Variants in H2BC21 observed in about 807,000 individuals in gnomAD.
H2BC21 encodes the protein H2B clustered histone 21, also known as histone H2B type 2-E.
H2BC21 carries 2 observed loss-of-function variants against 6.2 expected under a neutral mutation model. The observed-to-expected ratio is 0.32, with a 90% confidence interval of 0.13 to 1.02. The LOEUF is 1.02. H2BC21 is among the 50% of genes least tolerant of loss of function. The pLI, the probability that H2BC21 is intolerant of heterozygous loss-of-function variation, is 0.47. For missense variants in H2BC21, 98 were observed against 172.2 expected, an observed-to-expected ratio of 0.57 and a Z score of 2.41; for synonymous variants, 109 against 75.2, an observed-to-expected ratio of 1.45 and a Z score of -2.33.
rs1553759762 is a variant in H2BC21 at position 149,886,560 on chromosome 1, G to A, written c.81C>T (p.Gly27=). 2 of 1,614,252 alleles carry A rather than the reference G, an allele frequency of 1.2e-6. No individual in the cohort carries two copies. Among genetic ancestry groups the A allele is most frequent in the South Asian group, 2.2e-5 (2 of 91,088 alleles). The part of the protein sequence containing the change: ...KAVTKAQKKD[G]KKRKRSRKES... ...CTTTGCGGCTGCGCTTGCGCTTCTT[G>A]CCGTCTTTCTTCTGGGCTTTGGTGA... is the stretch of plus-strand genomic sequence containing the variant. Residue 27 remains glycine (G), a synonymous_variant, in exon 1 of 1, where the codon GGC becomes GGT. Coordinates refer to ENST00000369155, the MANE Select transcript of H2BC21 (RefSeq NM_003528.3).
rs2092291674 is a variant in H2BC21 at position 149,885,465 on chromosome 1, G to A, written c.*795C>T. 6.6e-6 allele frequency: 1 copy of A among 152,260 alleles called. No homozygotes were observed. The highest frequency in any genetic ancestry group is 6.5e-5 in the Admixed American group (1 of 15,292). 9.4% of individuals were successfully genotyped at this position (152,260 alleles called of 1,614,324 possible). A position where few individuals can be genotyped will look rare whatever the true frequency, so the allele number is the denominator to read the frequency against. On this transcript the variant is annotated 3_prime_UTR_variant, in exon 1 of 1. Transcript: ENST00000369155. ...TGGATGACGTAGGTCTCTGAGAGGT[G>A]ACTTTTGAGCCCGTATCTACATGGT...
At position 149,886,649 on chromosome 1, in the gene H2BC21, A is replaced by G; in HGVS notation, c.-9T>C. The G allele has an allele frequency of 1.9e-6, 3 of 1,611,926 alleles. No individual in the cohort carries two copies. The highest frequency in any genetic ancestry group is 2.5e-6 in the Non-Finnish European group (3 of 1,179,236). ...TTTGCCGGTTCAGGCATGGTAAGAC[A>G]CAGTACAAACGCGGCTTAGCCAAGA... On this transcript the variant is annotated 5_prime_UTR_variant, in exon 1 of 1. Coordinates refer to ENST00000369155, the MANE Select transcript of H2BC21 (RefSeq NM_003528.3).
chr1:149,886,188 G>A lies in H2BC21; in HGVS notation c.*72C>T. ...GCTCTTTTCTAGTGATTAGGTGGGT[G>A]GCTCTGAAAAGAGCCTTTGGAGTCA... is the stretch of plus-strand genomic sequence containing the variant. On this transcript the variant is annotated 3_prime_UTR_variant, in exon 1 of 1. Coordinates refer to ENST00000369155, the MANE Select transcript of H2BC21 (RefSeq NM_003528.3). 1.9e-6 allele frequency: 3 copies of A among 1,610,290 alleles called. No homozygotes were observed. The highest frequency in any genetic ancestry group is 2.5e-6 in the Non-Finnish European group (3 of 1,177,720).
Position 149,886,080 on chromosome 1 carries a change from A to G in H2BC21, c.*180T>C. 1 of 1,104,418 alleles carries G rather than the reference A, an allele frequency of 9.1e-7. No homozygotes were observed. The allele number at this position is 1,104,418 out of a possible 1,614,324, so 68.4% of individuals were successfully genotyped here. On this transcript the variant is annotated 3_prime_UTR_variant, in exon 1 of 1. Transcript: ENST00000369155. ...GGGGACCTCGAGTTCCAAATAGTTA[A>G]AAAGCTACGTATGCCATTTCCCATG...
rs1325815572 is a variant in H2BC21, at chr1:149,886,180, A to G, written c.*80T>C. ...GTGAACAAGCTCTTTTCTAGTGATTAGGTGGGTGGCTCTGAAAAGAGCCTT... is the reference window on the plus strand; with the variant it reads ...GTGAACAAGCTCTTTTCTAGTGATTGGGTGGGTGGCTCTGAAAAGAGCCTT... On this transcript the variant is annotated 3_prime_UTR_variant, in exon 1 of 1. Transcript: ENST00000369155. 2.5e-6 allele frequency: 4 copies of G among 1,604,112 alleles called. No homozygotes were observed. The African/African-American group carries it at 5.4e-5, about 22-fold the overall frequency.
Position 149,884,968 on chromosome 1 carries a change from C to T in H2BC21, c.*1292G>A, listed in dbSNP as rs1287070214. On this transcript the variant is annotated 3_prime_UTR_variant, in exon 1 of 1. Coordinates refer to ENST00000369155, the MANE Select transcript of H2BC21 (RefSeq NM_003528.3). ...GGAAAAGGCTCTTTCCAGTGACCAA[C>T]ACGCTGAATTTGATGAAAATCCATA... is the stretch of plus-strand genomic sequence containing the variant. 3 of 152,714 alleles carry T rather than the reference C, an allele frequency of 2.0e-5. No individual in the cohort carries two copies. Among genetic ancestry groups the T allele is most frequent in the East Asian group, 3.9e-4 (2 of 5,186 alleles). 9.5% of individuals were successfully genotyped at this position (152,714 alleles called of 1,614,324 possible). A position where few individuals can be genotyped will look rare whatever the true frequency, so the allele number is the denominator to read the frequency against.
Position 149,886,448 on chromosome 1 carries a change from A to G in H2BC21, c.193T>C (p.Ser65Pro). The change falls in exon 1 of 1, where the codon TCC becomes CCC. Residue 65 changes from serine (S) to proline (P), a missense_variant. Around this residue, in one of 2 missense-constraint regions of H2BC21, gnomAD observed 48 missense variants for 137.8 expected, o/e 0.35. Coordinates refer to ENST00000369155, the MANE Select transcript of H2BC21 (RefSeq NM_003528.3). ...ISSKAMGIMN[S>P]FVNDIFERIA... ...CGCTCGAAGATGTCGTTGACGAAGG[A>G]GTTCATGATGCCCATGGCCTTGGAC... The G allele has an allele frequency of 6.2e-7, 1 of 1,614,236 alleles. No individual in the cohort carries two copies. The highest frequency in any genetic ancestry group is 1.1e-5 in the South Asian group (1 of 91,090).
rs1401724500 is a variant in H2BC21, at chr1:149,886,120, A to G, written c.*140T>C. 1.4e-6 allele frequency: 2 copies of G among 1,418,644 alleles called. No individual in the cohort carries two copies. The highest frequency in any genetic ancestry group is 1.5e-5 in the African/African-American group (1 of 68,898). The allele number at this position is 1,418,644 out of a possible 1,614,324, so 87.9% of individuals were successfully genotyped here. A position where few individuals can be genotyped will look rare whatever the true frequency, so the allele number is the denominator to read the frequency against. On this transcript the variant is annotated 3_prime_UTR_variant, in exon 1 of 1. Transcript: ENST00000369155. ...CATTTCCCATGACCTTCACACTAAA[A>G]TAACTTACTTTATGAAAAGAAACTA... is the stretch of plus-strand genomic sequence containing the variant.
rs1307222208 is a variant in H2BC21 at position 149,885,406 on chromosome 1, A to C, written c.*854T>G. On this transcript the variant is annotated 3_prime_UTR_variant, in exon 1 of 1. Transcript: ENST00000369155. ...CAGCTGCTAGAAGGAAGATAAAATG[A>C]GACAGGCAAGTATGAGAGGCGCGAA... is the stretch of plus-strand genomic sequence containing the variant. The C allele has an allele frequency of 6.6e-6, 1 of 152,258 alleles. No homozygotes were observed. Among genetic ancestry groups the C allele is most frequent in the African/African-American group, 2.4e-5 (1 of 41,446 alleles). 9.4% of individuals were successfully genotyped at this position (152,258 alleles called of 1,614,324 possible).
chr1:149,885,931 G>C lies in H2BC21; in HGVS notation c.*329C>G, dbSNP rs1237312332. 4.9e-6 allele frequency: 2 copies of C among 406,676 alleles called. No homozygotes were observed. The highest frequency in any genetic ancestry group is 4.5e-6 in the Non-Finnish European group (1 of 221,348). 25.2% of individuals were successfully genotyped at this position (406,676 alleles called of 1,614,324 possible). ...GAGCCACCAGGGCGCGTGTGGGGCG[G>C]GAGTGGGGGCGGGTAAAGAGGCGGA... is the stretch of plus-strand genomic sequence containing the variant. On this transcript the variant is annotated 3_prime_UTR_variant, in exon 1 of 1. Coordinates refer to ENST00000369155, the MANE Select transcript of H2BC21 (RefSeq NM_003528.3).
Position 149,886,233 on chromosome 1 carries a change from G to A in H2BC21, c.*27C>T, listed in dbSNP as rs1457078959. On this transcript the variant is annotated 3_prime_UTR_variant, in exon 1 of 1. Transcript: ENST00000369155. ...GAGTCAAGCAGCCGGCGACTCGAGCGAGCGAGCGCCAGGTCCCGGCAGGGA... is the reference window on the plus strand; with the variant it reads ...GAGTCAAGCAGCCGGCGACTCGAGCAAGCGAGCGCCAGGTCCCGGCAGGGA... 3 of 1,613,968 alleles carry A rather than the reference G, an allele frequency of 1.9e-6. No homozygotes were observed. The highest frequency in any genetic ancestry group is 1.7e-5 in the Admixed American group (1 of 60,016).
rs993291271 is a variant in H2BC21, at chr1:149,885,283, A to C, written c.*977T>G. The C allele has an allele frequency of 1.3e-5, 2 of 152,492 alleles. No individual in the cohort carries two copies. The highest frequency in any genetic ancestry group is 2.4e-5 in the African/African-American group (1 of 41,470). The allele number at this position is 152,492 out of a possible 1,614,324, so 9.4% of individuals were successfully genotyped here. On this transcript the variant is annotated 3_prime_UTR_variant, in exon 1 of 1. Coordinates refer to ENST00000369155, the MANE Select transcript of H2BC21 (RefSeq NM_003528.3). Reference sequence around the variant, plus strand: ...CAATACGTAGTATTTAAGTGTCCATAATGTGCCAGGCTGAAGATGCACGGG... The same window carrying C: ...CAATACGTAGTATTTAAGTGTCCATCATGTGCCAGGCTGAAGATGCACGGG...
chr1:149,886,434 G>A lies in H2BC21; in HGVS notation c.207C>T (p.Asp69=), dbSNP rs1374287885. ...CCTCTCCCGCGATGCGCTCGAAGAT[G>A]TCGTTGACGAAGGAGTTCATGATGC... ...AMGIMNSFVN[D]IFERIAGEAS... Residue 69 remains aspartate (D), a synonymous_variant, in exon 1 of 1, where the codon GAC becomes GAT. Transcript: ENST00000369155. 18 of 1,614,274 alleles carry A rather than the reference G, an allele frequency of 1.1e-5. No individual in the cohort carries two copies. The highest frequency in any genetic ancestry group is 1.4e-5 in the Non-Finnish European group (17 of 1,180,048).
Position 149,885,691 on chromosome 1 carries a change from C to G in H2BC21, c.*569G>C, listed in dbSNP as rs1553759603. ...TCAGGACAAGGCTGGGACCCGGCTG[C>G]GCGGCCTTCGTCCAAAATACACAGA... On this transcript the variant is annotated 3_prime_UTR_variant, in exon 1 of 1. Transcript: ENST00000369155. The G allele has an allele frequency of 6.2e-6, 1 of 161,996 alleles. No individual in the cohort carries two copies. The highest frequency in any genetic ancestry group is 1.4e-5 in the Non-Finnish European group (1 of 72,786). 10.0% of individuals were successfully genotyped at this position (161,996 alleles called of 1,614,324 possible).
rs1020749141 is a variant in H2BC21, at chr1:149,886,077, T to A, written c.*183A>T. ...ACTGGGGACCTCGAGTTCCAAATAG[T>A]TAAAAAGCTACGTATGCCATTTCCC... On this transcript the variant is annotated 3_prime_UTR_variant, in exon 1 of 1. Coordinates refer to ENST00000369155, the MANE Select transcript of H2BC21 (RefSeq NM_003528.3). The A allele has an allele frequency of 1.9e-6, 2 of 1,075,518 alleles. No individual in the cohort carries two copies. The highest frequency in any genetic ancestry group is 2.6e-6 in the Non-Finnish European group (2 of 760,386). 66.6% of individuals were successfully genotyped at this position (1,075,518 alleles called of 1,614,324 possible).
Position 149,885,170 on chromosome 1 carries a change from C to T in H2BC21, c.*1090G>A, listed in dbSNP as rs55885412. 0.048 allele frequency: 7,267 copies of T among 152,684 alleles called. 239 individuals are homozygous for T. Among genetic ancestry groups the T allele is most frequent in the Non-Finnish European group, 0.075 (5,105 of 68,032 alleles). The allele number at this position is 152,684 out of a possible 1,614,324, so 9.5% of individuals were successfully genotyped here. A position where few individuals can be genotyped will look rare whatever the true frequency, so the allele number is the denominator to read the frequency against. Reference sequence around the variant, plus strand: ...ATTTTCACTGTGCCTTCACATACATCTAATGGAAATGAACAGCACCCTTCA... The same window carrying T: ...ATTTTCACTGTGCCTTCACATACATTTAATGGAAATGAACAGCACCCTTCA... On this transcript the variant is annotated 3_prime_UTR_variant, in exon 1 of 1. Transcript: ENST00000369155.
Position 149,886,677 on chromosome 1 carries a change from A to G in H2BC21, c.-37T>C. On this transcript the variant is annotated 5_prime_UTR_variant, in exon 1 of 1. Transcript: ENST00000369155. ...GTACAAACGCGGCTTAGCCAAGAAA[A>G]GAAGTAAGAGAATGGGCGGGCCTGA... The G allele has an allele frequency of 1.9e-6, 3 of 1,585,968 alleles. No individual in the cohort carries two copies. The highest frequency in any genetic ancestry group is 1.1e-5 in the South Asian group (1 of 87,000).
chr1:149,886,602 C>G lies in H2BC21; in HGVS notation c.39G>C (p.Lys13Asn). ...EPAKSAPAPK[K>N]GSKKAVTKAQ... ...CTTTGGTGACGGCTTTCTTGGAGCC[C>G]TTTTTAGGGGCCGGAGCGGATTTTG... Residue 13 changes from lysine to asparagine, a missense_variant, in exon 1 of 1, where the codon AAG becomes AAC. Lys to Asn is a moderately conservative substitution (Grantham distance 94). This residue lies in a region of H2BC21 where 50 missense variants were observed against 34.4 expected (regional missense o/e 1.45). Coordinates refer to ENST00000369155, the MANE Select transcript of H2BC21 (RefSeq NM_003528.3). The G allele has an allele frequency of 6.2e-7, 1 of 1,614,056 alleles. No homozygotes were observed. The highest frequency in any genetic ancestry group is 8.5e-7 in the Non-Finnish European group (1 of 1,180,014).
Position 149,886,211 on chromosome 1 carries a change from T to C in H2BC21, c.*49A>G. On this transcript the variant is annotated 3_prime_UTR_variant, in exon 1 of 1. Transcript: ENST00000369155. The stretch of plus-strand genomic sequence containing the variant: ...GTGGCTCTGAAAAGAGCCTTTGGAG[T>C]CAAGCAGCCGGCGACTCGAGCGAGC... The C allele has an allele frequency of 6.2e-7, 1 of 1,613,362 alleles. No homozygotes were observed. Among genetic ancestry groups the C allele is most frequent in the Non-Finnish European group, 8.5e-7 (1 of 1,179,790 alleles).
Sources: allele counts gnomAD v4.1 joint callset, GRCh38; gene constraint gnomAD v4.1.1; regional missense constraint gnomAD v4.1.1; transcripts MANE v1.5; gene names NCBI Gene and HGNC (gene_info 2026-07-23, HGNC 2026-07-21).